Variants in PAH observed in about 807,000 individuals in gnomAD.
The protein encoded by PAH is phenylalanine-4-hydroxylase.
In PAH, 64 loss-of-function variants were observed where a neutral mutation model predicts 62.0. The ratio of observed to expected loss-of-function variants is 1.03; its 90% CI spans 0.84 to 1.27. The LOEUF (loss-of-function observed/expected upper bound fraction) is 1.27. PAH is among the 50% of genes most tolerant of loss of function. PAH has a pLI of 0.00. For synonymous variants in PAH, 195 were observed against 196.2 expected, an observed-to-expected ratio of 0.99 and a Z score of 0.05; for missense variants, 579 against 542.8, an observed-to-expected ratio of 1.07 and a Z score of -0.66.
At chr12:102,954,398 CCCTTTCCTGGGTGGGTTG>C (rs1459276090), upstream of PAH, among the ~76,000 whole-genome samples, 4 of 152,232 alleles carry the variant, frequency 2.6e-5, no homozygotes, top group Non-Finnish European at 4.4e-5. Flanking sequence ...CTGCCACACA[CCCTTTCCTGGGTGGGTTG>C]TGTGAGCATG....
chr12:102,898,346 G>A (rs1003849382), intron 2 of PAH, among the ~76,000 whole-genome samples: 2 of 152,208 alleles, frequency 1.3e-5, no homozygotes, highest in Non-Finnish European at 2.9e-5. Flanking sequence ...TAGTCAGAAA[G>A]TATGTGATTT....
At chr12:102,913,696 TG>T in intron 1 of PAH, 1 of 658,180 alleles carries the variant, frequency 1.5e-6, no homozygotes, top group Non-Finnish European at 2.8e-6. Context: ...GACATCCAAT[TG>T]TTGAAAAAGA....
At chr12:102,934,685 A>G (rs1210743703) in intron 1 of PAH, among the ~76,000 whole-genome samples, 1 of 152,050 alleles carries the variant, frequency 6.6e-6, no homozygotes, top group African/African-American at 2.4e-5. Context: ...TGGATATTGT[A>G]AATGGGATTA....
chr12:102,943,396 G>A (rs1377134938), intron 1 of PAH, among the ~76,000 whole-genome samples: 3 of 151,846 alleles, frequency 2.0e-5, no homozygotes, highest in Non-Finnish European at 4.4e-5. Context: ...TCAGAATGGC[G>A]ATCATGAAAA....
intron 1 of PAH, among the ~76,000 whole-genome samples, chr12:102,940,927 G>C (rs1437114494): frequency 1.3e-5 from 2 of 152,062 alleles, no homozygotes; most frequent in Non-Finnish European, 2.9e-5. Flanking sequence ...TACAGAGAAA[G>C]GGCAGGTCAT....
chr12:102,893,605 C>T (rs1877370117), intron 3 of PAH, among the ~76,000 whole-genome samples: 1 of 152,116 alleles, frequency 6.6e-6, no homozygotes, highest in South Asian at 2.1e-4. Context: ...TTATGTATGA[C>T]TTCATTTAAT....
chr12:102,940,852 C>A (rs541300772), intron 1 of PAH, among the ~76,000 whole-genome samples: 1 of 152,210 alleles, frequency 6.6e-6, no homozygotes, highest in African/African-American at 2.4e-5. Context: ...AGATGACCAT[C>A]CCCAAGACAC....
Position 102,933,034 on chromosome 12 carries a change from A to G in PAH, c.-95-15809T>C, listed in dbSNP as rs188753702. Among the ~76,000 whole-genome samples, 746 of 152,296 alleles carry G rather than the reference A, an allele frequency of 4.9e-3. 6 individuals are homozygous for G. Among genetic ancestry groups the G allele is most frequent in the African/African-American group, 0.017 (710 of 41,568 alleles). On this transcript the variant is annotated intron_variant, in intron 1 of 3. Transcript: ENST00000546844. ...AATGTACAAGAAATTATCATTGACTATAGTCACTCTGTTGTGCTGTCAAAT... is the reference window on the plus strand; with the variant it reads ...AATGTACAAGAAATTATCATTGACTGTAGTCACTCTGTTGTGCTGTCAAAT...
intron 5 of PAH, among the ~76,000 whole-genome samples, chr12:102,863,389 A>C (rs1187916046): frequency 6.6e-6 from 1 of 152,140 alleles, no homozygotes; most frequent in South Asian, 2.1e-4. Context: ...TTCCCCATTC[A>C]TCAGTAAAGC....
At chr12:102,862,102 G>C (rs997565527) in intron 5 of PAH, among the ~76,000 whole-genome samples, 1 of 151,920 alleles carries the variant, frequency 6.6e-6, no homozygotes, top group South Asian at 2.1e-4. Context: ...ACACATACAC[G>C]CATATGTTCA....
chr12:102,949,052 A>G (rs114828111), intron 1 of PAH, among the ~76,000 whole-genome samples: 1 of 152,124 alleles, frequency 6.6e-6, no homozygotes, highest in African/African-American at 2.4e-5. Context: ...CGACCCACAC[A>G]ACTCGCAGAA....
At chr12:102,949,602 C>G (rs1879658570) in intron 1 of PAH, among the ~76,000 whole-genome samples, 1 of 152,150 alleles carries the variant, frequency 6.6e-6, no homozygotes, top group Non-Finnish European at 1.5e-5. Context: ...CTAACAGTAA[C>G]GTGTCAAAGG....
At chr12:102,952,799 G>A (rs1879807126), upstream of PAH, among the ~76,000 whole-genome samples, 1 of 152,172 alleles carries the variant, frequency 6.6e-6, no homozygotes, top group African/African-American at 2.4e-5. Context: ...TTGAAAAAGT[G>A]AATAGATTTG....
intron 3 of PAH, among the ~76,000 whole-genome samples, chr12:102,882,294 G>T (rs764853465): frequency 1.4e-4 from 21 of 152,262 alleles, no homozygotes; most frequent in Non-Finnish European, 2.4e-4. Flanking sequence ...TTTGTGTCAT[G>T]AATAGTCAGT....
intron 3 of PAH, among the ~76,000 whole-genome samples, chr12:102,877,907 C>T (rs1282171074): frequency 6.6e-6 from 1 of 152,106 alleles, no homozygotes; most frequent in Non-Finnish European, 1.5e-5. Flanking sequence ...CTCACTGAAA[C>T]CTCTGCCTCC....
chr12:102,947,081 A>G (rs867629666), intron 1 of PAH, among the ~76,000 whole-genome samples: 4 of 152,226 alleles, frequency 2.6e-5, no homozygotes, highest in Non-Finnish European at 4.4e-5. Context: ...TAAAGCAATG[A>G]TATAGTAATA....
Position 102,917,190 on chromosome 12 carries a change from CAA to C in PAH, c.-62_-61del. The C allele has an allele frequency of 6.8e-7, 1 of 1,473,636 alleles. No homozygotes were observed. Among genetic ancestry groups the C allele is most frequent in the Non-Finnish European group, 9.5e-7 (1 of 1,052,770 alleles). The allele number at this position is 1,473,636 out of a possible 1,614,324, so 91.3% of individuals were successfully genotyped here. ...AGGGCCTCAGGTACAGGCAGGTTTG[CAA>C]ACAGCACGTGGGGCTGAAGGTTTTA... On this transcript the variant is annotated 5_prime_UTR_variant, in exon 1 of 13. Transcript: ENST00000553106.
chr12:102,909,894 G>A (rs937142733), intron 2 of PAH, among the ~76,000 whole-genome samples: 1 of 152,198 alleles, frequency 6.6e-6, no homozygotes, highest in Non-Finnish European at 1.5e-5. Context: ...GGGAGGCGGA[G>A]GTTGCAGTGA....
intron 2 of PAH, among the ~76,000 whole-genome samples, chr12:102,909,986 G>C (rs1221596122): frequency 1.3e-5 from 2 of 151,956 alleles, no homozygotes; most frequent in Non-Finnish European, 2.9e-5. Context: ...GGCTCAAAAA[G>C]TGAAAAGATA....
Sources: allele counts gnomAD v4.1 joint callset (sites outside exome capture counted in the v4.1 genomes callset), GRCh38; gene constraint gnomAD v4.1.1; transcripts MANE v1.5; gene names NCBI Gene and HGNC (gene_info 2026-07-23, HGNC 2026-07-21).